Variants in PTPRD observed in about 807,000 individuals in gnomAD.
PTPRD encodes receptor-type tyrosine-protein phosphatase delta.
In PTPRD, 34 loss-of-function variants were observed where a neutral mutation model predicts 214.5. The ratio of observed to expected loss-of-function variants is 0.16; its 90% CI spans 0.12 to 0.21. PTPRD has a LOEUF of 0.21. Ranked by LOEUF, PTPRD falls within the 10% of genes least tolerant of loss-of-function variation. The pLI, the probability that PTPRD is intolerant of heterozygous loss-of-function variation, is 1.00. For missense variants in PTPRD, 2,545 were observed against 2,398.7 expected (o/e 1.06, Z -1.27); for synonymous variants, 1,128 against 845.7 (o/e 1.33, Z -5.79).
At chr9:10,405,450 T>C (rs2098338677) in intron 2 of PTPRD, among the ~76,000 whole-genome samples, 1 of 151,624 alleles carries the variant, frequency 6.6e-6, no homozygotes, top group Non-Finnish European at 1.5e-5. Context: ...TCAACCAGTA[T>C]AGTAGAGCAA....
chr9:9,154,809 G>A (rs752345576), intron 10 of PTPRD, among the ~76,000 whole-genome samples: 9 of 151,948 alleles, frequency 5.9e-5, no homozygotes, highest in Non-Finnish European at 7.4e-5. Flanking sequence ...TTGTTTATGT[G>A]GCCTTTTAAA....
chr9:10,157,409 T>A lies in PTPRD; in HGVS notation c.-544-123619A>T, dbSNP rs10958922. 5.9e-3 allele frequency among the ~76,000 whole-genome samples: 900 copies of A among 152,330 alleles called. 8 individuals carry two copies. The highest frequency in any genetic ancestry group is 0.049 in the East Asian group (253 of 5,190). ...TTATAAAGCTGAGTTTGGCAAGACA[T>A]GAAGTTCTGGATTTGAATTTCTTTT... On this transcript the variant is annotated intron_variant, in intron 3 of 45. Coordinates refer to ENST00000381196, the MANE Select transcript of PTPRD (RefSeq NM_002839.4).
chr9:9,043,864 A>T (rs976726665), intron 10 of PTPRD, among the ~76,000 whole-genome samples: 9 of 151,870 alleles, frequency 5.9e-5, no homozygotes, highest in African/African-American at 2.2e-4. Context: ...AGATCGCACC[A>T]CTGTACTCCA....
intron 37 of PTPRD, among the ~76,000 whole-genome samples, chr9:8,386,025 T>C (rs537335191): frequency 6.6e-6 from 1 of 152,300 alleles, no homozygotes; most frequent in South Asian, 2.1e-4. Flanking sequence ...GAAACTGAAG[T>C]TGTCACTGTA....
rs964605136 is a variant in PTPRD, at chr9:9,742,375, A to C, written c.-325-7804T>G. On this transcript the variant is annotated intron_variant, in intron 6 of 45. Coordinates refer to ENST00000381196, the MANE Select transcript of PTPRD (RefSeq NM_002839.4). ...AAAAAGAAATGTGACCTTCACTTTC[A>C]CCTTTCGTAGAGAAATGTATGCAGA... Among the ~76,000 whole-genome samples, 52 of 152,324 alleles carry C rather than the reference A, an allele frequency of 3.4e-4. 1 individual carries two copies. Among genetic ancestry groups the C allele is most frequent in the Admixed American group, 3.3e-3 (51 of 15,300 alleles).
chr9:9,893,070 T>C (rs1342692003), intron 5 of PTPRD, among the ~76,000 whole-genome samples: 1 of 152,038 alleles, frequency 6.6e-6, no homozygotes, highest in Non-Finnish European at 1.5e-5. Flanking sequence ...AGTAAGAGTA[T>C]GAAGTTCAGG....
chr9:9,622,725 A>C (rs1431373819), intron 7 of PTPRD, among the ~76,000 whole-genome samples: 1 of 152,240 alleles, frequency 6.6e-6, no homozygotes, highest in Non-Finnish European at 1.5e-5. Context: ...ATATTAAGGC[A>C]AGGAGCATTT....
intron 9 of PTPRD, among the ~76,000 whole-genome samples, chr9:9,184,248 C>T (rs920789136): frequency 2.0e-5 from 3 of 152,042 alleles, no homozygotes; most frequent in East Asian, 3.9e-4. Flanking sequence ...CACCCTGTGT[C>T]GGAGAAAATG....
chr9:10,249,843 AG>A (rs1174335012), intron 3 of PTPRD, among the ~76,000 whole-genome samples: 10 of 152,298 alleles, frequency 6.6e-5, no homozygotes, highest in Admixed American at 3.3e-4. Flanking sequence ...TATAGATGGC[AG>A]GGCCTGCAAT....
At chr9:9,451,678 A>G (rs528811109) in intron 8 of PTPRD, among the ~76,000 whole-genome samples, 31 of 151,740 alleles carry the variant, frequency 2.0e-4, no homozygotes, top group Non-Finnish European at 4.4e-4. Flanking sequence ...ACAACCAAAC[A>G]AAAGGTTATG....
At chr9:8,922,954 C>T (rs2098838167) in intron 11 of PTPRD, among the ~76,000 whole-genome samples, 1 of 151,896 alleles carries the variant, frequency 6.6e-6, no homozygotes, top group Non-Finnish European at 1.5e-5. Context: ...TGAGCCACTG[C>T]ACCTGGCCCA....
intron 4 of PTPRD, among the ~76,000 whole-genome samples, chr9:9,971,360 T>C (rs2095090351): frequency 6.6e-6 from 1 of 152,132 alleles, no homozygotes; most frequent in Admixed American, 6.6e-5. Context: ...GGAAGAATAA[T>C]AGATGAAGCA....
At chr9:10,552,890 C>A (rs1885508) in intron 2 of PTPRD, among the ~76,000 whole-genome samples, 19,866 of 152,216 alleles carry the variant, frequency 0.13, 1,971 homozygotes, top group East Asian at 0.51. Context: ...AATTGGGTCC[C>A]ATGACTCTCC....
At position 10,097,264 on chromosome 9, in the gene PTPRD, A is replaced by G. The variant is rs531947238; in HGVS notation, c.-544-63474T>C. On this transcript the variant is annotated intron_variant, in intron 3 of 45. Coordinates refer to ENST00000381196, the MANE Select transcript of PTPRD (RefSeq NM_002839.4). ...ATGAACTTTAAAGTAGTTTTTTCCA[A>G]TTCTGTGAAGAAAGTCATTGGTAGC... Among the ~76,000 whole-genome samples, 4 of 145,620 alleles carry G rather than the reference A, an allele frequency of 2.7e-5. No homozygotes were observed. The East Asian group carries it at 8.2e-4, about 30-fold the overall frequency.
chr9:9,673,733 T>C lies in PTPRD; in HGVS notation c.-287+60800A>G, dbSNP rs781426175. 4.3e-4 allele frequency among the ~76,000 whole-genome samples: 65 copies of C among 149,996 alleles called. 1 individual carries two copies. The highest frequency in any genetic ancestry group is 3.0e-4 in the Non-Finnish European group (20 of 67,376). ...AAGACAATTTAGAAAAAAAAAAGCA[T>C]ACCTGGATACACTGTAATAAAACTT... On this transcript the variant is annotated intron_variant, in intron 7 of 45. Transcript: ENST00000381196.
chr9:9,620,773 G>C (rs1348291236), intron 7 of PTPRD, among the ~76,000 whole-genome samples: 2 of 151,838 alleles, frequency 1.3e-5, no homozygotes, highest in Non-Finnish European at 2.9e-5. Flanking sequence ...TGAGATTCAA[G>C]TGATGACATA....
chr9:9,091,209 G>A (rs1269699173), intron 10 of PTPRD: 24 of 1,471,350 alleles, frequency 1.6e-5, no homozygotes, highest in South Asian at 3.4e-5. Flanking sequence ...TTAGACCTGC[G>A]GGTGCTGCCC....
intron 11 of PTPRD, among the ~76,000 whole-genome samples, chr9:8,763,203 A>G (rs1327189202): frequency 5.9e-5 from 9 of 152,172 alleles, no homozygotes; most frequent in African/African-American, 1.7e-4. Flanking sequence ...AGAGCAGACT[A>G]TAAGACTCCA....
chr9:8,512,122 C>A (rs972148884), intron 21 of PTPRD, among the ~76,000 whole-genome samples: 3 of 151,978 alleles, frequency 2.0e-5, no homozygotes, highest in Non-Finnish European at 1.5e-5. Context: ...GCTAAAATAT[C>A]CAGTATTTTA....
Sources: gnomAD v4.1 joint callset for allele counts (sites outside exome capture counted in the v4.1 genomes callset) on GRCh38, gnomAD v4.1.1 for gene constraint, MANE v1.5 for transcripts, NCBI Gene and HGNC (gene_info 2026-07-23, HGNC 2026-07-21) for gene names.